ATXN1: variants seen among roughly 807,000 people sequenced by gnomAD.
The protein encoded by ATXN1 is ataxin 1.
ATXN1 carries 8 observed loss-of-function variants against 56.4 expected under a neutral mutation model. The observed-to-expected ratio is 0.14, with a 90% CI of 0.08 to 0.26. ATXN1 has a LOEUF of 0.26. Ranked by LOEUF, ATXN1 falls within the 10% of genes least tolerant of loss-of-function variation. ATXN1 has a pLI of 1.00. For synonymous variants in ATXN1, 514 were observed against 494.6 expected (o/e 1.04, Z -0.52); for missense variants, 987 against 1,106.5 (o/e 0.89, Z 1.53).
chr6:16,659,451 CTTTTT>C (rs1008305278), intron 2 of ATXN1, among the ~76,000 whole-genome samples: 1 of 152,066 alleles, frequency 6.6e-6, no homozygotes, highest in Non-Finnish European at 1.5e-5. Context: ...TCAATCTTTT[CTTTTT>C]TAACTAAAAA....
rs1187625899 is a variant in ATXN1, at chr6:16,639,309, T to C, written c.-489+18467A>G. Among the ~76,000 whole-genome samples the C allele has an allele frequency of 3.3e-5, 5 of 152,166 alleles. 1 individual carries two copies. The highest frequency in any genetic ancestry group is 4.8e-5 in the African/African-American group (2 of 41,430). On this transcript the variant is annotated intron_variant, in intron 3 of 7. Coordinates refer to ENST00000436367, the MANE Select transcript of ATXN1 (RefSeq NM_001128164.2). The stretch of plus-strand genomic sequence containing the variant: ...CATCTTTAAGAGCTGTAACACTCAC[T>C]GTGAAGGTCCGTGGCTCCATTCTTG...
intron 2 of ATXN1, among the ~76,000 whole-genome samples, chr6:16,742,292 C>T (rs1054626473): frequency 6.6e-6 from 1 of 152,112 alleles, no homozygotes; most frequent in Non-Finnish European, 1.5e-5. Context: ...AGGCTGTCTC[C>T]CAATAAAAGC....
intron 4 of ATXN1, among the ~76,000 whole-genome samples, chr6:16,584,241 TATACACACAC>T (rs1225266387): frequency 5.8e-5 from 7 of 121,290 alleles, no homozygotes; most frequent in Non-Finnish European, 1.2e-4. Context: ...TATATATATA[TATACACACAC>T]ACACACACAC....
chr6:16,738,629 T>C (rs908407421), intron 2 of ATXN1: 1 of 152,246 alleles, frequency 6.6e-6, no homozygotes, highest in Non-Finnish European at 1.5e-5. Context: ...GAATTATTTA[T>C]AGTTGCAAAT....
At chr6:16,597,176 A>G (rs548351122) in intron 3 of ATXN1, among the ~76,000 whole-genome samples, 1 of 152,214 alleles carries the variant, frequency 6.6e-6, no homozygotes, top group Non-Finnish European at 1.5e-5. Context: ...AGCAAATTAG[A>G]GGTTATAAAC....
At chr6:16,418,205 G>C (rs1156694650) in intron 6 of ATXN1, among the ~76,000 whole-genome samples, 1 of 152,184 alleles carries the variant, frequency 6.6e-6, no homozygotes, top group Admixed American at 6.5e-5. Context: ...CTGAATGTTT[G>C]TGTCTAGAAG....
At chr6:16,424,446 C>A (rs567070563) in intron 6 of ATXN1, among the ~76,000 whole-genome samples, 1 of 152,318 alleles carries the variant, frequency 6.6e-6, no homozygotes, top group Admixed American at 6.5e-5. Flanking sequence ...CCAGGCTGCA[C>A]TGGCAAACCT....
chr6:16,620,286 C>G (rs1467704305), intron 3 of ATXN1, among the ~76,000 whole-genome samples: 1 of 151,796 alleles, frequency 6.6e-6, no homozygotes, highest in Non-Finnish European at 1.5e-5. Context: ...CACACACACA[C>G]ACACACACAC....
intron 6 of ATXN1, among the ~76,000 whole-genome samples, chr6:16,468,598 C>T (rs1273965776): frequency 2.0e-5 from 3 of 152,226 alleles, no homozygotes; most frequent in Middle Eastern, 3.4e-3. Context: ...AACCAGTAAG[C>T]GAGTATATGC....
chr6:16,625,425 G>A (rs1400799405), intron 3 of ATXN1, among the ~76,000 whole-genome samples: 1 of 152,166 alleles, frequency 6.6e-6, no homozygotes, highest in Admixed American at 6.6e-5. Context: ...TTTAGGGATG[G>A]CATTCCTATT....
intron 6 of ATXN1, among the ~76,000 whole-genome samples, chr6:16,452,092 A>G (rs1341472811): frequency 6.6e-6 from 1 of 152,230 alleles, no homozygotes; most frequent in African/African-American, 2.4e-5. Context: ...TGAACAAGAC[A>G]GATGCCTACT....
chr6:16,700,492 C>T (rs533367932), intron 2 of ATXN1, among the ~76,000 whole-genome samples: 2 of 152,182 alleles, frequency 1.3e-5, no homozygotes, highest in Admixed American at 1.3e-4. Flanking sequence ...GTTTAATAAC[C>T]TTACCAGGAG....
At chr6:16,354,918 C>G (rs34178988) in intron 6 of ATXN1, among the ~76,000 whole-genome samples, 2,574 of 152,348 alleles carry the variant, frequency 0.017, 27 homozygotes, top group Non-Finnish European at 0.028. Context: ...GAAAATACCT[C>G]CAGCATAGCT....
chr6:16,697,787 C>G (rs945566674), intron 2 of ATXN1, among the ~76,000 whole-genome samples: 1 of 152,124 alleles, frequency 6.6e-6, no homozygotes, highest in African/African-American at 2.4e-5. Flanking sequence ...ATGGATTAAA[C>G]AGCGTTACAT....
At chr6:16,435,490 G>A (rs370393031) in intron 6 of ATXN1, among the ~76,000 whole-genome samples, 4 of 152,112 alleles carry the variant, frequency 2.6e-5, no homozygotes, top group Non-Finnish European at 4.4e-5. Flanking sequence ...GATGGCACCC[G>A]AAGACAGTGG....
At position 16,300,875 on chromosome 6, in the gene ATXN1, A is replaced by T. The variant is rs1288051273; in HGVS notation, c.*5454T>A. ...GGGAGCTCAGAGAAGTACTTTCAGCATAGGAATGAACAGTATTCTCAAATC... is the reference window on the plus strand; with the variant it reads ...GGGAGCTCAGAGAAGTACTTTCAGCTTAGGAATGAACAGTATTCTCAAATC... On this transcript the variant is annotated 3_prime_UTR_variant, in exon 8 of 8. Transcript: ENST00000436367. 2 of 152,688 alleles carry T rather than the reference A, an allele frequency of 1.3e-5. No individual in the cohort carries two copies. The highest frequency in any genetic ancestry group is 2.9e-5 in the Non-Finnish European group (2 of 68,048). The allele number at this position is 152,688 out of a possible 1,614,324, so 9.5% of individuals were successfully genotyped here. A position where few individuals can be genotyped will look rare whatever the true frequency, so the allele number is the denominator to read the frequency against.
intron 4 of ATXN1, among the ~76,000 whole-genome samples, chr6:16,556,740 A>G (rs1762021196): frequency 6.6e-6 from 1 of 152,210 alleles, no homozygotes; most frequent in Admixed American, 6.5e-5. Context: ...CATCTCTGTT[A>G]TTTAACACTG....
chr6:16,536,039 C>T (rs761831084), intron 4 of ATXN1, among the ~76,000 whole-genome samples: 24 of 149,734 alleles, frequency 1.6e-4, no homozygotes, highest in Non-Finnish European at 1.2e-4. Context: ...CTGACTCTAC[C>T]AAAAAAAAAC....
chr6:16,447,603 C>CGA (rs1759661839), intron 6 of ATXN1, among the ~76,000 whole-genome samples: 1 of 152,074 alleles, frequency 6.6e-6, no homozygotes, highest in South Asian at 2.1e-4. Context: ...GTGATCCTCC[C>CGA]ACCTCGGCCT....
Sources: gnomAD v4.1 joint callset for allele counts (sites outside exome capture counted in the v4.1 genomes callset) on GRCh38, gnomAD v4.1.1 for gene constraint, MANE v1.5 for transcripts, NCBI Gene and HGNC (gene_info 2026-07-23, HGNC 2026-07-21) for gene names.